UST: variants seen among roughly 807,000 people sequenced by gnomAD.
UST encodes uronyl 2-sulfotransferase, also known as chondroitin sulfate 2-O-sulfotransferase.
UST carries 21 observed loss-of-function variants against 45.6 expected under a neutral mutation model. The ratio of observed to expected loss-of-function variants is 0.46; its 90% CI spans 0.33 to 0.66. The LOEUF (loss-of-function observed/expected upper bound fraction) is 0.66. Ranked by LOEUF, UST falls within the 30% of genes least tolerant of loss-of-function variation. The probability of loss-of-function intolerance (pLI) is 0.02; values close to 1 mark genes in which losing one functional copy is unlikely to be tolerated. For synonymous variants in UST, 215 were observed against 200.6 expected (o/e 1.07, Z -0.61); for missense variants, 463 against 512.4 (o/e 0.90, Z 0.93).
chr6:149,006,643 C>T (rs1047101425), intron 5 of UST, among the ~76,000 whole-genome samples: 1 of 152,168 alleles, frequency 6.6e-6, no homozygotes, highest in Non-Finnish European at 1.5e-5. Flanking sequence ...AATGGTATTT[C>T]TGGTTGTAGA....
chr6:148,941,390 A>T lies in UST; in HGVS notation c.403A>T (p.Thr135Ser). The T allele has an allele frequency of 6.2e-7, 1 of 1,607,168 alleles. No individual in the cohort carries two copies. Among genetic ancestry groups the T allele is most frequent in the Non-Finnish European group, 8.5e-7 (1 of 1,178,458 alleles). Residue 135 changes from threonine to serine, a missense_variant, in exon 3 of 8, where the codon ACA becomes TCA. By Grantham distance (58) the Thr-to-Ser change is moderately conservative. Transcript: ENST00000367463. The stretch of plus-strand genomic sequence containing the variant: ...GGAGAAGCACGGATTTAATTTGGTC[A>T]CATCAGACATTCACAACAAAACCAG... ...LSEKHGFNLV[T>S]SDIHNKTRLT...
At chr6:148,923,181 T>C (rs936839362) in intron 2 of UST, among the ~76,000 whole-genome samples, 4 of 152,242 alleles carry the variant, frequency 2.6e-5, no homozygotes, top group Non-Finnish European at 4.4e-5. Flanking sequence ...GTTTTAGTTA[T>C]CTGCTTATCA....
At chr6:149,029,069 C>T (rs1259593071) in intron 7 of UST, among the ~76,000 whole-genome samples, 2 of 152,088 alleles carry the variant, frequency 1.3e-5, no homozygotes, top group Non-Finnish European at 2.9e-5. Flanking sequence ...CCCTAATAGA[C>T]TTTGCTCTGC....
chr6:148,868,679 C>T (rs983571405), intron 1 of UST, among the ~76,000 whole-genome samples: 3 of 152,150 alleles, frequency 2.0e-5, no homozygotes, highest in Non-Finnish European at 4.4e-5. Flanking sequence ...AATACCCAAA[C>T]CCTGCCAGGG....
chr6:148,757,536 C>G (rs1776121350), intron 1 of UST, among the ~76,000 whole-genome samples: 1 of 152,196 alleles, frequency 6.6e-6, no homozygotes, highest in Non-Finnish European at 1.5e-5. Context: ...CACGACCATA[C>G]TGTAAAATTA....
rs1776092947 is a variant in UST at position 149,028,933 on chromosome 6, C to A, written c.937+7452C>A. The stretch of plus-strand genomic sequence containing the variant: ...TTTTTTAAGTAAGATTCCTAAGATT[C>A]AGCTCTTGAAAAACTGTTTTCCATG... On this transcript the variant is annotated intron_variant, in intron 7 of 7. Transcript: ENST00000367463. Among the ~76,000 whole-genome samples the A allele has an allele frequency of 2.6e-5, 4 of 152,224 alleles. No individual in the cohort carries two copies. In the South Asian group the frequency reaches 8.3e-4, roughly 32 times the overall value.
In UST at chr6:148,881,261, A is replaced by G. The variant is rs146818865; in HGVS notation, c.248-5725A>G. On this transcript the variant is annotated intron_variant, in intron 1 of 7. Transcript: ENST00000367463. Reference sequence around the variant, plus strand: ...TTAAGCTCTATGGCCAGCCCTCACTAGTGATTTCTTGGCAGTTAGGTGACA... The same window carrying G: ...TTAAGCTCTATGGCCAGCCCTCACTGGTGATTTCTTGGCAGTTAGGTGACA... 8.1e-3 allele frequency among the ~76,000 whole-genome samples: 1,239 copies of G among 152,116 alleles called. 23 individuals are homozygous for G. Among genetic ancestry groups the G allele is most frequent in the African/African-American group, 0.028 (1,165 of 41,488 alleles).
At chr6:149,053,437 C>T (rs556045217) in intron 7 of UST, among the ~76,000 whole-genome samples, 8 of 152,330 alleles carry the variant, frequency 5.3e-5, no homozygotes, top group Middle Eastern at 3.4e-3. Flanking sequence ...ACATTCCATG[C>T]TCATGTTCAG....
chr6:148,861,997 T>C, intron 1 of UST, among the ~76,000 whole-genome samples: 1 of 152,210 alleles, frequency 6.6e-6, no homozygotes, highest in East Asian at 1.9e-4. Context: ...GAGAGTTCTG[T>C]AGATGTCTAT....
At chr6:148,938,301 T>G (rs1301425113) in intron 2 of UST, among the ~76,000 whole-genome samples, 1 of 152,152 alleles carries the variant, frequency 6.6e-6, no homozygotes, top group Non-Finnish European at 1.5e-5. Flanking sequence ...TGAGGACACA[T>G]AGTAGACTGG....
intron 1 of UST, among the ~76,000 whole-genome samples, chr6:148,775,362 G>C (rs552105158): frequency 6.6e-6 from 1 of 152,174 alleles, no homozygotes; most frequent in Admixed American, 6.5e-5. Context: ...AGTTAGGATG[G>C]AGCGAGGTGG....
chr6:149,054,834 T>G (rs1435394671), intron 7 of UST, among the ~76,000 whole-genome samples: 2 of 152,186 alleles, frequency 1.3e-5, no homozygotes, highest in Non-Finnish European at 2.9e-5. Context: ...TGTTTATTGT[T>G]TGTTTTGGAC....
chr6:148,977,155 C>T (rs1781030853), intron 5 of UST, among the ~76,000 whole-genome samples: 1 of 151,426 alleles, frequency 6.6e-6, no homozygotes, highest in African/African-American at 2.4e-5. Flanking sequence ...ATGAGAAATT[C>T]TTGGTTTTAG....
intron 1 of UST, among the ~76,000 whole-genome samples, chr6:148,873,658 C>G (rs1026373540): frequency 2.0e-5 from 3 of 152,200 alleles, no homozygotes; most frequent in African/African-American, 7.2e-5. Context: ...CTACTGGTGT[C>G]AAACCCAGGA....
chr6:149,046,304 A>C (rs1041597344), intron 7 of UST, among the ~76,000 whole-genome samples: 2 of 152,260 alleles, frequency 1.3e-5, no homozygotes, highest in African/African-American at 4.8e-5. Flanking sequence ...AGTTGGTCCC[A>C]AAACCAGTCT....
At chr6:148,981,870 T>G (rs1781142525) in intron 5 of UST, among the ~76,000 whole-genome samples, 2 of 152,174 alleles carry the variant, frequency 1.3e-5, no homozygotes, top group South Asian at 4.1e-4. Flanking sequence ...CTTTATCTGT[T>G]TGTGCTGCTG....
intron 1 of UST, among the ~76,000 whole-genome samples, chr6:148,789,499 T>C (rs1372484101): frequency 6.6e-6 from 1 of 152,022 alleles, no homozygotes; most frequent in Non-Finnish European, 1.5e-5. Flanking sequence ...AAAAGTATTT[T>C]ATTTATATAA....
At chr6:148,887,318 C>T (rs1778930243) in intron 2 of UST, among the ~76,000 whole-genome samples, 1 of 152,236 alleles carries the variant, frequency 6.6e-6, no homozygotes, top group Admixed American at 6.5e-5. Flanking sequence ...ACCTCATTTT[C>T]ATTTGCCTTG....
intron 2 of UST, among the ~76,000 whole-genome samples, chr6:148,931,740 A>G (rs771755825): frequency 1.3e-5 from 2 of 152,250 alleles, no homozygotes; most frequent in Non-Finnish European, 2.9e-5. Flanking sequence ...ATCCACATGC[A>G]TAACAGATGT....
Sources: gnomAD v4.1 joint callset for allele counts (sites outside exome capture counted in the v4.1 genomes callset) on GRCh38, gnomAD v4.1.1 for gene constraint, MANE v1.5 for transcripts, NCBI Gene and HGNC (gene_info 2026-07-23, HGNC 2026-07-21) for gene names.